The following FRMD4B variants were observed in gnomAD, a reference collection of about 807,000 sequenced individuals.
FRMD4B encodes the protein FERM domain containing 4B.
In FRMD4B, 74 loss-of-function variants were observed where a neutral mutation model predicts 141.5. The ratio of observed to expected loss-of-function variants is 0.52; its 90% CI spans 0.43 to 0.63. The LOEUF (loss-of-function observed/expected upper bound fraction) is 0.63, where lower values mean the gene tolerates loss of function less well. Ranked by LOEUF, FRMD4B falls within the 30% of genes least tolerant of loss-of-function variation. The pLI is 0.00. For missense variants in FRMD4B, 1,366 were observed against 1,253.4 expected (o/e 1.09, Z -1.36); for synonymous variants, 506 against 467.9 (o/e 1.08, Z -1.05).
intron 1 of FRMD4B, among the ~76,000 whole-genome samples, chr3:69,435,284 A>G (rs923030455): frequency 2.0e-4 from 30 of 152,100 alleles, no homozygotes; most frequent in African/African-American, 6.8e-4. Context: ...CTTCAGTGTC[A>G]TTCATGAAGA....
At chr3:69,463,294 T>C (rs554824172) in intron 1 of FRMD4B, among the ~76,000 whole-genome samples, 1 of 152,346 alleles carries the variant, frequency 6.6e-6, no homozygotes, top group South Asian at 2.1e-4. Flanking sequence ...ATCTAACACA[T>C]ACAGTTTTGC....
intron 5 of FRMD4B, among the ~76,000 whole-genome samples, chr3:69,258,195 G>A (rs2093504213): frequency 6.6e-6 from 1 of 151,950 alleles, no homozygotes; most frequent in Non-Finnish European, 1.5e-5. Flanking sequence ...TGAACTCCTG[G>A]GCTCAAGCAA....
rs1019198410 is a variant in FRMD4B at position 69,478,819 on chromosome 3, A to G, written c.-128-46058T>C. Among the ~76,000 whole-genome samples, 22 of 152,008 alleles carry G rather than the reference A, an allele frequency of 1.4e-4. No individual in the cohort carries two copies. In the East Asian group the frequency reaches 2.5e-3, roughly 17 times the overall value. On this transcript the variant is annotated intron_variant, in intron 1 of 5. Transcript: ENST00000459638. Reference sequence around the variant, plus strand: ...TGACAGTGGGGTGTTAAAGTCTCCCATTATTATTGTGTGGGAGTCTAAGTC... The same window carrying G: ...TGACAGTGGGGTGTTAAAGTCTCCCGTTATTATTGTGTGGGAGTCTAAGTC...
At chr3:69,471,463 C>T in intron 1 of FRMD4B, 1 of 261,542 alleles carries the variant, frequency 3.8e-6, no homozygotes. Flanking sequence ...AACCTTTTGC[C>T]CTATTAATTT....
chr3:69,360,378 C>T (rs1703438098), intron 1 of FRMD4B, among the ~76,000 whole-genome samples: 1 of 152,078 alleles, frequency 6.6e-6, no homozygotes, highest in Admixed American at 6.6e-5. Context: ...TTAAACATAA[C>T]CCTAAATACT....
chr3:69,408,025 G>C (rs1389799959), intron 2 of FRMD4B, among the ~76,000 whole-genome samples: 1 of 152,144 alleles, frequency 6.6e-6, no homozygotes, highest in Non-Finnish European at 1.5e-5. Context: ...CTCAATTGTA[G>C]CTACTTAACT....
At chr3:69,226,614 G>A (rs2093257054) in intron 7 of FRMD4B, among the ~76,000 whole-genome samples, 1 of 152,056 alleles carries the variant, frequency 6.6e-6, no homozygotes, top group South Asian at 2.1e-4. Flanking sequence ...CATAGGCTAT[G>A]TTTCAAGAAC....
chr3:69,363,491 G>A (rs6786528), intron 1 of FRMD4B, among the ~76,000 whole-genome samples: 54,831 of 150,638 alleles, frequency 0.36, 11,924 homozygotes, highest in African/African-American at 0.61. Context: ...CTGGGTTCAC[G>A]CCATTCTCCT....
At chr3:69,539,203 T>A (rs1036379813) in intron 1 of FRMD4B, among the ~76,000 whole-genome samples, 7 of 152,226 alleles carry the variant, frequency 4.6e-5, no homozygotes, top group African/African-American at 1.4e-4. Flanking sequence ...TGTTTTTAAC[T>A]GTTTTCCATG....
intron 11 of FRMD4B, among the ~76,000 whole-genome samples, chr3:69,200,205 A>G (rs1441965710): frequency 3.3e-5 from 5 of 152,274 alleles, no homozygotes; most frequent in Admixed American, 6.5e-5. Flanking sequence ...ATACGTATGC[A>G]GGCATGGGAA....
At chr3:69,310,161 T>G (rs1426284203) in intron 3 of FRMD4B, among the ~76,000 whole-genome samples, 3 of 152,158 alleles carry the variant, frequency 2.0e-5, no homozygotes, top group Non-Finnish European at 4.4e-5. Flanking sequence ...TTTCTATTCC[T>G]CCTGATAATT....
intron 2 of FRMD4B, among the ~76,000 whole-genome samples, chr3:69,427,005 T>G (rs1233912204): frequency 6.6e-6 from 1 of 152,108 alleles, no homozygotes; most frequent in African/African-American, 2.4e-5. Flanking sequence ...CTTTCACTCA[T>G]CCCTTAAAAG....
intron 7 of FRMD4B, among the ~76,000 whole-genome samples, chr3:69,226,736 T>A (rs1384439959): frequency 6.6e-6 from 1 of 152,174 alleles, no homozygotes; most frequent in Non-Finnish European, 1.5e-5. Flanking sequence ...AACAAAAATA[T>A]GTAGAACGAG....
intron 11 of FRMD4B, among the ~76,000 whole-genome samples, chr3:69,200,105 C>A (rs972762524): frequency 9.9e-5 from 15 of 152,152 alleles, no homozygotes; most frequent in Non-Finnish European, 1.5e-4. Flanking sequence ...GCACTATCAG[C>A]AAAACCATTT....
intron 1 of FRMD4B, among the ~76,000 whole-genome samples, chr3:69,479,577 C>T (rs896252016): frequency 6.6e-6 from 1 of 152,216 alleles, no homozygotes; most frequent in East Asian, 1.9e-4. Context: ...AAGAGATCCC[C>T]TATTAGTCTG....
chr3:69,288,533 C>T (rs1036471012), intron 4 of FRMD4B, among the ~76,000 whole-genome samples: 16 of 152,184 alleles, frequency 1.1e-4, no homozygotes, highest in African/African-American at 3.6e-4. Context: ...GCAGGCAGGC[C>T]CCTCTCAGGA....
In FRMD4B at chr3:69,427,643, GTTTTTTTTTTTTTTT is replaced by G. The variant is rs774316609; in HGVS notation, c.-1+4976_-1+4990del. On this transcript the variant is annotated intron_variant, in intron 2 of 5. Transcript: ENST00000459638. The stretch of plus-strand genomic sequence containing the variant: ...GTGTTTAGTAAGAAGCTAGGTAAAT[GTTTTTTTTTTTTTTT>G]TTTTTTTTTTTTTTTGAGACAGATT... 3.6e-4 allele frequency among the ~76,000 whole-genome samples: 13 copies of G among 36,238 alleles called. 1 individual carries two copies. The highest frequency in any genetic ancestry group is 4.3e-4 in the African/African-American group (4 of 9,386). The allele number at this position is 36,238 out of a possible 152,430, so 23.8% of individuals were successfully genotyped here. A position where few individuals can be genotyped will look rare whatever the true frequency, so the allele number is the denominator to read the frequency against.
At chr3:69,403,231 T>A (rs1159892418) in intron 2 of FRMD4B, among the ~76,000 whole-genome samples, 4 of 152,170 alleles carry the variant, frequency 2.6e-5, no homozygotes, top group Non-Finnish European at 5.9e-5. Flanking sequence ...AAAAAATCAT[T>A]CCTTCCTGAT....
intron 7 of FRMD4B, among the ~76,000 whole-genome samples, chr3:69,230,615 G>A (rs769610466): frequency 3.9e-5 from 6 of 151,942 alleles, no homozygotes; most frequent in Non-Finnish European, 8.8e-5. Context: ...AGGCATAGTG[G>A]TGGGCACCTG....
Sources: allele counts gnomAD v4.1 joint callset (sites outside exome capture counted in the v4.1 genomes callset), GRCh38; gene constraint gnomAD v4.1.1; transcripts MANE v1.5; gene names NCBI Gene and HGNC (gene_info 2026-07-23, HGNC 2026-07-21).